JARID2: variants seen among roughly 807,000 people sequenced by gnomAD.
The protein encoded by JARID2 is jumonji and AT-rich interaction domain containing 2.
JARID2 carries 21 observed loss-of-function variants against 125.6 expected under a neutral mutation model. That is an observed-to-expected ratio of 0.17 (90% CI 0.12 to 0.24). The LOEUF (loss-of-function observed/expected upper bound fraction) is 0.24. Among genes scored for constraint, JARID2 ranks in the 10% least tolerant of loss-of-function variants. The pLI, the probability that JARID2 is intolerant of heterozygous loss-of-function variation, is 1.00. For synonymous variants in JARID2, 736 were observed against 661.6 expected (o/e 1.11, Z -1.73); for missense variants, 1,303 against 1,639.6 (o/e 0.79, Z 3.55).
At chr6:15,333,356 G>A (rs1375782023) in intron 1 of JARID2, among the ~76,000 whole-genome samples, 3 of 152,130 alleles carry the variant, frequency 2.0e-5, no homozygotes, top group Non-Finnish European at 4.4e-5. Flanking sequence ...GTACTGATCA[G>A]CAGTTATTAT....
intron 16 of JARID2, among the ~76,000 whole-genome samples, chr6:15,514,398 G>A (rs1330868832): frequency 6.6e-6 from 1 of 152,238 alleles, no homozygotes; most frequent in African/African-American, 2.4e-5. Context: ...CTTAGGAGGT[G>A]CCCACCCCAT....
rs193019552 is a variant in JARID2, at chr6:15,283,326, C to T, written c.45+36742C>T. Among the ~76,000 whole-genome samples the T allele has an allele frequency of 1.1e-3, 159 of 145,896 alleles. 5 individuals are homozygous for T. Among genetic ancestry groups the T allele is most frequent in the African/African-American group, 3.7e-3 (141 of 38,222 alleles). ...CGCAAATATTGTCTCCTAGTCTGTC[C>T]TTTGTCCTTTAAGTATTTTTTTTTT... On this transcript the variant is annotated intron_variant, in intron 1 of 17. Transcript: ENST00000341776.
chr6:15,476,122 C>G (rs930837839), intron 5 of JARID2, among the ~76,000 whole-genome samples: 2 of 152,204 alleles, frequency 1.3e-5, no homozygotes, highest in African/African-American at 4.8e-5. Flanking sequence ...GGGATCACCC[C>G]TGCTGAAATG....
chr6:15,336,119 A>G (rs79000422), intron 1 of JARID2, among the ~76,000 whole-genome samples: 3,308 of 151,180 alleles, frequency 0.022, 126 homozygotes, highest in African/African-American at 0.076. Flanking sequence ...ATGAATGAAT[A>G]AATAAATAAA....
chr6:15,358,205 T>C (rs544999255), intron 1 of JARID2, among the ~76,000 whole-genome samples: 8 of 152,328 alleles, frequency 5.3e-5, no homozygotes, highest in African/African-American at 1.7e-4. Context: ...GTTTGTGTAA[T>C]ATAACCTGTT....
rs1029386113 is a variant in JARID2, at chr6:15,473,712, A to G, written c.670+4994A>G. ...GTCTTTTGTGAAGTCATATGAAAAGAAAAAATCCCCACAAGCCACTACCTG... is the reference window on the plus strand; with the variant it reads ...GTCTTTTGTGAAGTCATATGAAAAGGAAAAATCCCCACAAGCCACTACCTG... On this transcript the variant is annotated intron_variant, in intron 5 of 17. Transcript: ENST00000341776. Among the ~76,000 whole-genome samples the G allele has an allele frequency of 1.3e-4, 20 of 152,260 alleles. No individual in the cohort carries two copies. In the East Asian group the frequency reaches 3.9e-3, roughly 29 times the overall value.
chr6:15,456,538 C>CT lies in JARID2; in HGVS notation c.493+4370dup, dbSNP rs573459280. On this transcript the variant is annotated intron_variant, in intron 4 of 17. Coordinates refer to ENST00000341776, the MANE Select transcript of JARID2 (RefSeq NM_004973.4). ...GTACTGTTTTGCTATTTCTTTTATA[C>CT]TTTTTTTAGATCTGAGGTATTAAAA... Among the ~76,000 whole-genome samples, 310 of 152,056 alleles carry CT rather than the reference C, an allele frequency of 2.0e-3. 5 individuals carry two copies. In the Middle Eastern group the frequency reaches 0.024, roughly 12 times the overall value.
At chr6:15,444,700 C>T (rs967122963) in intron 3 of JARID2, among the ~76,000 whole-genome samples, 1 of 149,696 alleles carries the variant, frequency 6.7e-6, no homozygotes, top group Admixed American at 6.6e-5. Flanking sequence ...GCAGCCATGC[C>T]GGTCATTTTG....
intron 1 of JARID2, among the ~76,000 whole-genome samples, chr6:15,303,698 C>G (rs996480606): frequency 6.6e-6 from 1 of 152,172 alleles, no homozygotes; most frequent in African/African-American, 2.4e-5. Context: ...TACTGACCTC[C>G]GCTCCCAAGG....
At chr6:15,266,044 C>T (rs552789205) in intron 1 of JARID2, among the ~76,000 whole-genome samples, 25 of 152,264 alleles carry the variant, frequency 1.6e-4, no homozygotes, top group African/African-American at 5.8e-4. Context: ...AGAGATGGCA[C>T]GAGGCTTAGT....
chr6:15,417,203 G>A (rs1343809864), intron 3 of JARID2, among the ~76,000 whole-genome samples: 1 of 152,134 alleles, frequency 6.6e-6, no homozygotes, highest in Non-Finnish European at 1.5e-5. Context: ...GTTCTTAAGC[G>A]GGTTTTGTGG....
intron 12 of JARID2, among the ~76,000 whole-genome samples, chr6:15,510,781 C>T (rs1047859067): frequency 6.6e-6 from 1 of 152,136 alleles, no homozygotes; most frequent in Non-Finnish European, 1.5e-5. Flanking sequence ...ATGAGCCTGG[C>T]TCCTTCCCCA....
rs559672573 is a variant in JARID2 at position 15,357,528 on chromosome 6, A to G, written c.46-16589A>G. Among the ~76,000 whole-genome samples, 35 of 152,296 alleles carry G rather than the reference A, an allele frequency of 2.3e-4. 1 individual carries two copies. The highest frequency in any genetic ancestry group is 8.4e-4 in the African/African-American group (35 of 41,562). Reference sequence around the variant, plus strand: ...GGACAACTGTCTTACATGTTCATTTAAGAGGTATTTGGAGACTGAAGCTGT... The same window carrying G: ...GGACAACTGTCTTACATGTTCATTTGAGAGGTATTTGGAGACTGAAGCTGT... On this transcript the variant is annotated intron_variant, in intron 1 of 17. Coordinates refer to ENST00000341776, the MANE Select transcript of JARID2 (RefSeq NM_004973.4).
intron 3 of JARID2, among the ~76,000 whole-genome samples, chr6:15,418,030 G>A (rs912007975): frequency 1.3e-5 from 2 of 152,108 alleles, no homozygotes; most frequent in Non-Finnish European, 2.9e-5. Flanking sequence ...AGGACCCTGT[G>A]GTGTATGTTG....
intron 2 of JARID2, among the ~76,000 whole-genome samples, chr6:15,394,799 C>G (rs1056205935): frequency 2.6e-5 from 4 of 152,148 alleles, no homozygotes; most frequent in African/African-American, 9.7e-5. Flanking sequence ...CTCCAAGGGT[C>G]AAGTAGTGGA....
intron 5 of JARID2, among the ~76,000 whole-genome samples, chr6:15,482,650 A>G (rs1259857191): frequency 2.0e-5 from 3 of 152,234 alleles, no homozygotes; most frequent in Non-Finnish European, 2.9e-5. Context: ...GTTGATGTAT[A>G]TGAAGAAAAT....
At chr6:15,369,281 A>G in intron 1 of JARID2, 1 of 459,858 alleles carries the variant, frequency 2.2e-6, no homozygotes, top group Non-Finnish European at 4.5e-6. Context: ...ACCACTTGGC[A>G]CAGTGTTTTT....
intron 5 of JARID2, among the ~76,000 whole-genome samples, chr6:15,477,504 G>T (rs1311398302): frequency 1.1e-4 from 15 of 137,436 alleles, no homozygotes; most frequent in Non-Finnish European, 1.4e-4. Flanking sequence ...GGGAGTGTTG[G>T]TTTTTTTTTT....
At chr6:15,373,819 T>C (rs1470445057) in intron 1 of JARID2, among the ~76,000 whole-genome samples, 1 of 152,230 alleles carries the variant, frequency 6.6e-6, no homozygotes, top group Non-Finnish European at 1.5e-5. Context: ...CTGAACTTTG[T>C]CAGGAATATA....
Sources: gnomAD v4.1 joint callset for allele counts (sites outside exome capture counted in the v4.1 genomes callset) on GRCh38, gnomAD v4.1.1 for gene constraint, MANE v1.5 for transcripts, NCBI Gene and HGNC (gene_info 2026-07-23, HGNC 2026-07-21) for gene names.